The following ARHGEF3 variants were observed in gnomAD, a reference collection of about 807,000 sequenced individuals.
The protein encoded by ARHGEF3 is Rho guanine nucleotide exchange factor 3, also known as 59.8 kDA protein.
Under a neutral mutation model 63.2 loss-of-function variants are expected in ARHGEF3, and 28 were observed. The observed-to-expected ratio is 0.44, with a 90% confidence interval of 0.33 to 0.61. ARHGEF3 has a LOEUF of 0.61. Ranked by LOEUF, ARHGEF3 falls within the 20% of genes least tolerant of loss-of-function variation. The pLI is 0.03. For synonymous variants in ARHGEF3, 266 were observed against 254.2 expected (o/e 1.05, Z -0.44); for missense variants, 533 against 659.3 (o/e 0.81, Z 2.10).
intron 2 of ARHGEF3, among the ~76,000 whole-genome samples, chr3:56,982,481 T>C (rs1351223126): frequency 6.6e-6 from 1 of 152,150 alleles, no homozygotes; most frequent in African/African-American, 2.4e-5. Flanking sequence ...CAGACCATCC[T>C]GTTGGAAACT....
intron 4 of ARHGEF3, among the ~76,000 whole-genome samples, chr3:56,880,196 T>C (rs554590708): frequency 1.4e-4 from 21 of 152,208 alleles, no homozygotes; most frequent in Non-Finnish European, 2.4e-4. Context: ...AATGAGTCTG[T>C]CCAAAGCTGA....
chr3:56,739,193 T>C (rs1032967235), intron 7 of ARHGEF3, among the ~76,000 whole-genome samples: 1 of 152,132 alleles, frequency 6.6e-6, no homozygotes, highest in Non-Finnish European at 1.5e-5. Flanking sequence ...AACAGTCCCA[T>C]TGTTCTTGTG....
chr3:57,028,858 T>C (rs1276197181), intron 2 of ARHGEF3, among the ~76,000 whole-genome samples: 2 of 152,064 alleles, frequency 1.3e-5, no homozygotes, highest in South Asian at 2.1e-4. Context: ...TATAATTTGC[T>C]GTGTAGAGGA....
chr3:57,016,180 C>G (rs994941522), intron 2 of ARHGEF3, among the ~76,000 whole-genome samples: 2 of 152,130 alleles, frequency 1.3e-5, no homozygotes, highest in African/African-American at 4.8e-5. Context: ...GATACAGAGC[C>G]TCAGACATCA....
intron 1 of ARHGEF3, among the ~76,000 whole-genome samples, chr3:56,783,692 A>G (rs2036665163): frequency 6.6e-6 from 1 of 152,224 alleles, no homozygotes; most frequent in Non-Finnish European, 1.5e-5. Flanking sequence ...CTCTAAGCAG[A>G]GCCAGTAAAA....
chr3:56,998,391 T>C (rs887605272), intron 2 of ARHGEF3, among the ~76,000 whole-genome samples: 2 of 150,744 alleles, frequency 1.3e-5, no homozygotes, highest in Non-Finnish European at 3.0e-5. Flanking sequence ...GCTCCTTCTC[T>C]TCCCGGTCAT....
At chr3:57,010,312 C>T (rs534530562) in intron 2 of ARHGEF3, among the ~76,000 whole-genome samples, 12 of 152,036 alleles carry the variant, frequency 7.9e-5, no homozygotes, top group East Asian at 3.9e-4. Context: ...AAAAATTAGC[C>T]GGGCGTGGTG....
chr3:56,870,342 A>G (rs889267488), intron 4 of ARHGEF3, among the ~76,000 whole-genome samples: 3 of 152,212 alleles, frequency 2.0e-5, no homozygotes, highest in Non-Finnish European at 4.4e-5. Context: ...CCATAAATGC[A>G]TATTACTAAG....
chr3:56,770,149 A>C (rs2035926240), intron 2 of ARHGEF3, among the ~76,000 whole-genome samples: 1 of 152,172 alleles, frequency 6.6e-6, no homozygotes. Flanking sequence ...GCAGTGGCTC[A>C]TGTCTGTAAT....
chr3:56,859,924 G>A (rs2040012705), intron 4 of ARHGEF3, among the ~76,000 whole-genome samples: 1 of 151,930 alleles, frequency 6.6e-6, no homozygotes, highest in African/African-American at 2.4e-5. Context: ...ATTTTGGGAG[G>A]CTGAGGTGGG....
chr3:56,937,062 G>A (rs1287030262), intron 3 of ARHGEF3, among the ~76,000 whole-genome samples: 1 of 152,128 alleles, frequency 6.6e-6, no homozygotes, highest in Non-Finnish European at 1.5e-5. Context: ...AAAACTGGAG[G>A]GACGAGGGGA....
intron 1 of ARHGEF3, among the ~76,000 whole-genome samples, chr3:57,076,224 A>C (rs546621287): frequency 6.6e-6 from 1 of 152,206 alleles, no homozygotes; most frequent in East Asian, 1.9e-4. Context: ...AGGAGCCTGA[A>C]CAATACATAA....
intron 2 of ARHGEF3, among the ~76,000 whole-genome samples, chr3:57,027,324 G>A (rs1034546665): frequency 1.3e-5 from 2 of 152,178 alleles, no homozygotes; most frequent in African/African-American, 4.8e-5. Flanking sequence ...CACCCTATGA[G>A]AAGGTGACTG....
At chr3:57,070,246 G>C (rs748525462) in intron 1 of ARHGEF3, among the ~76,000 whole-genome samples, 5 of 152,196 alleles carry the variant, frequency 3.3e-5, no homozygotes, top group Admixed American at 3.3e-4. Context: ...CCCATCCTTA[G>C]CATGAAGGAA....
rs115525366 is a variant in ARHGEF3, at chr3:56,776,643, G to T, written c.97-2827C>A. 4.9e-3 allele frequency among the ~76,000 whole-genome samples: 748 copies of T among 152,238 alleles called. 6 individuals are homozygous for T. Among genetic ancestry groups the T allele is most frequent in the Middle Eastern group, 6.8e-3 (2 of 294 alleles). The stretch of plus-strand genomic sequence containing the variant: ...AATATGTCTCCAGCTACATTTTACT[G>T]CTGTCTAAAGAGAGCCCTCAGGGAA... On this transcript the variant is annotated intron_variant, in intron 1 of 9. Coordinates refer to ENST00000296315, the MANE Select transcript of ARHGEF3 (RefSeq NM_019555.3).
chr3:56,977,616 G>T (rs1701173962), intron 2 of ARHGEF3, among the ~76,000 whole-genome samples: 2 of 152,136 alleles, frequency 1.3e-5, no homozygotes, highest in African/African-American at 2.4e-5. Flanking sequence ...AAATACACAG[G>T]CTGACAGGGA....
intron 1 of ARHGEF3, among the ~76,000 whole-genome samples, chr3:57,062,560 T>C (rs1172635352): frequency 6.6e-6 from 1 of 152,028 alleles, no homozygotes; most frequent in South Asian, 2.1e-4. Context: ...TAGCAAAAGA[T>C]TGGAAGCTGC....
At chr3:57,032,995 A>G (rs919562993) in intron 2 of ARHGEF3, among the ~76,000 whole-genome samples, 7 of 152,212 alleles carry the variant, frequency 4.6e-5, no homozygotes, top group African/African-American at 1.7e-4. Context: ...GCTAGGCAAC[A>G]GAGTCCTAAG....
At chr3:57,017,760 G>T (rs1212753702) in intron 2 of ARHGEF3, among the ~76,000 whole-genome samples, 1 of 152,206 alleles carries the variant, frequency 6.6e-6, no homozygotes, top group Non-Finnish European at 1.5e-5. Flanking sequence ...TGGACAAAAG[G>T]CTGGACCCAG....
Sources: allele counts gnomAD v4.1 joint callset (sites outside exome capture counted in the v4.1 genomes callset), GRCh38; gene constraint gnomAD v4.1.1; transcripts MANE v1.5; gene names NCBI Gene and HGNC (gene_info 2026-07-23, HGNC 2026-07-21).